COMMD10: variants seen among roughly 807,000 people sequenced by gnomAD.
COMMD10 encodes the protein COMM domain containing 10, also known as COMM domain-containing protein 10.
A neutral mutation model predicts 28.9 loss-of-function variants in COMMD10; 33 were observed. The ratio of observed to expected loss-of-function variants is 1.14; its 90% CI spans 0.87 to 1.53. The LOEUF is 1.53. Ranked by LOEUF, COMMD10 falls within the 40% of genes most tolerant of loss-of-function variation. COMMD10 has a pLI of 0.00. For synonymous variants in COMMD10, 110 were observed against 81.7 expected (o/e 1.35, Z -1.87); for missense variants, 310 against 233.4 (o/e 1.33, Z -2.14).
chr5:116,112,982 C>T (rs960133635), intron 4 of COMMD10, among the ~76,000 whole-genome samples: 1 of 152,162 alleles, frequency 6.6e-6, no homozygotes, highest in Non-Finnish European at 1.5e-5. Context: ...TTTAGGACTT[C>T]TTTGAGCATT....
chr5:116,200,211 G>A (rs988785600), intron 5 of COMMD10, among the ~76,000 whole-genome samples: 3 of 151,916 alleles, frequency 2.0e-5, no homozygotes, highest in Admixed American at 6.6e-5. Flanking sequence ...GGTCTTATTC[G>A]TTTTTTCTAC....
chr5:116,246,210 A>T (rs974228963), intron 5 of COMMD10, among the ~76,000 whole-genome samples: 1 of 152,146 alleles, frequency 6.6e-6, no homozygotes, highest in South Asian at 2.1e-4. Flanking sequence ...CAAGAGCCAA[A>T]TGAGGAACAT....
intron 4 of COMMD10, among the ~76,000 whole-genome samples, chr5:116,097,465 C>T (rs891843096): frequency 1.3e-5 from 2 of 152,068 alleles, no homozygotes; most frequent in African/African-American, 4.8e-5. Context: ...AAGTAAGTGG[C>T]TGAGTTGGGA....
rs766725508 is a variant in COMMD10, at chr5:116,271,964, T to C, written c.511-19553T>C. 2.0e-5 allele frequency among the ~76,000 whole-genome samples: 3 copies of C among 152,012 alleles called. 1 individual carries two copies. The highest frequency in any genetic ancestry group is 1.5e-5 in the Non-Finnish European group (1 of 68,014). On this transcript the variant is annotated intron_variant, in intron 5 of 6. Transcript: ENST00000274458. ...CTGACATGAAAGTAAAAATTACTTA[T>C]AACCACTTTGGGATTACACAAATTT...
chr5:116,249,389 G>C (rs1030317801), intron 5 of COMMD10, among the ~76,000 whole-genome samples: 17 of 151,932 alleles, frequency 1.1e-4, no homozygotes, highest in Admixed American at 2.6e-4. Flanking sequence ...GAGCTCATTT[G>C]TTTCAATGAA....
In COMMD10 at chr5:116,180,674, T is replaced by TA. The variant is rs202140506; in HGVS notation, c.510+46505dup. On this transcript the variant is annotated intron_variant, in intron 5 of 6. Transcript: ENST00000274458. Reference sequence around the variant, plus strand: ...AAAACGAATTTAGTGAAACCAAAATTAAAAAAAAATAAACTCCCTAACTAA... The same window carrying TA: ...AAAACGAATTTAGTGAAACCAAAATTAAAAAAAAAATAAACTCCCTAACTAA... Among the ~76,000 whole-genome samples the TA allele has an allele frequency of 4.4e-3, 659 of 151,038 alleles. 1 individual carries two copies. Among genetic ancestry groups the TA allele is most frequent in the African/African-American group, 6.8e-3 (280 of 41,242 alleles).
chr5:116,187,877 T>C (rs1748194537), intron 5 of COMMD10, among the ~76,000 whole-genome samples: 2 of 152,292 alleles, frequency 1.3e-5, no homozygotes, highest in African/African-American at 2.4e-5. Context: ...AGTTAAGTTA[T>C]AGCCATGTGT....
At chr5:116,210,255 C>T (rs907866306) in intron 5 of COMMD10, among the ~76,000 whole-genome samples, 1 of 151,986 alleles carries the variant, frequency 6.6e-6, no homozygotes, top group South Asian at 2.1e-4. Flanking sequence ...TTTGAGGAGA[C>T]AAACCATAGC....
chr5:116,121,343 G>A (rs1751428988), intron 4 of COMMD10, among the ~76,000 whole-genome samples: 3 of 152,174 alleles, frequency 2.0e-5, no homozygotes, highest in Admixed American at 2.0e-4. Context: ...AGTATTCCGT[G>A]GTGTATATGT....
At chr5:116,121,024 G>A (rs1001123809) in intron 4 of COMMD10, among the ~76,000 whole-genome samples, 3 of 152,014 alleles carry the variant, frequency 2.0e-5, no homozygotes, top group African/African-American at 7.3e-5. Flanking sequence ...GGATACATAT[G>A]CACAACGTGC....
chr5:116,144,836 A>C (rs968001716), intron 5 of COMMD10, among the ~76,000 whole-genome samples: 9 of 151,868 alleles, frequency 5.9e-5, no homozygotes, highest in African/African-American at 1.9e-4. Context: ...AGGACAGTTT[A>C]TGTAGGGGAA....
intron 5 of COMMD10, among the ~76,000 whole-genome samples, chr5:116,262,759 A>G (rs960272327): frequency 2.0e-5 from 3 of 151,934 alleles, no homozygotes; most frequent in Non-Finnish European, 2.9e-5. Context: ...CTCATTACTC[A>G]TTCCCAAAAT....
Position 116,230,743 on chromosome 5 carries a change from T to C in COMMD10, c.511-60774T>C, listed in dbSNP as rs1280566493. Among the ~76,000 whole-genome samples, 2 of 151,766 alleles carry C rather than the reference T, an allele frequency of 1.3e-5. 1 individual carries two copies. The highest frequency in any genetic ancestry group is 3.9e-4 in the East Asian group (2 of 5,180). On this transcript the variant is annotated intron_variant, in intron 5 of 6. Coordinates refer to ENST00000274458, the MANE Select transcript of COMMD10 (RefSeq NM_016144.4). ...CTATATAATTTTAAGAAAATTGATA[T>C]CAAAAGCTGTGATATCCGTTTCTCT...
chr5:116,193,063 A>G (rs887254038), intron 5 of COMMD10, among the ~76,000 whole-genome samples: 2 of 152,240 alleles, frequency 1.3e-5, no homozygotes, highest in Admixed American at 1.3e-4. Context: ...AGCGAAGCTA[A>G]GCATCATATA....
chr5:116,237,098 A>C (rs961701490), intron 5 of COMMD10, among the ~76,000 whole-genome samples: 1 of 152,160 alleles, frequency 6.6e-6, no homozygotes, highest in Non-Finnish European at 1.5e-5. Flanking sequence ...GACTGTGGCT[A>C]TCTGAATGAA....
intron 5 of COMMD10, among the ~76,000 whole-genome samples, chr5:116,227,702 A>C (rs997383280): frequency 6.6e-6 from 1 of 152,000 alleles, no homozygotes; most frequent in Non-Finnish European, 1.5e-5. Context: ...GTGTTTTCTG[A>C]CTTGATTGGT....
intron 4 of COMMD10, among the ~76,000 whole-genome samples, chr5:116,125,565 T>G (rs1441870204): frequency 6.6e-6 from 1 of 152,106 alleles, no homozygotes; most frequent in Non-Finnish European, 1.5e-5. Context: ...TTTGTGGCGT[T>G]CTCTGTATTA....
intron 5 of COMMD10, among the ~76,000 whole-genome samples, chr5:116,136,789 A>C (rs1486481548): frequency 6.6e-6 from 1 of 152,202 alleles, no homozygotes; most frequent in East Asian, 1.9e-4. Context: ...GATTAATCTT[A>C]TAACTTGCAG....
intron 5 of COMMD10, among the ~76,000 whole-genome samples, chr5:116,231,120 C>A (rs1394034493): frequency 6.6e-6 from 1 of 152,084 alleles, no homozygotes; most frequent in African/African-American, 2.4e-5. Context: ...GCTTTTAGAG[C>A]CTCTCAGATG....
Sources: gnomAD v4.1 joint callset for allele counts (sites outside exome capture counted in the v4.1 genomes callset) on GRCh38, gnomAD v4.1.1 for gene constraint, MANE v1.5 for transcripts, NCBI Gene and HGNC (gene_info 2026-07-23, HGNC 2026-07-21) for gene names.